The following TINAG variants were observed in gnomAD, a reference collection of about 807,000 sequenced individuals.
TINAG encodes tubulointerstitial nephritis antigen.
A neutral mutation model predicts 72.7 loss-of-function variants in TINAG; 83 were observed. The observed-to-expected ratio is 1.14, with a 90% CI of 0.96 to 1.37. TINAG has a LOEUF of 1.37. Among genes scored for constraint, TINAG ranks in the 40% most tolerant of loss-of-function variants. The pLI, the probability that TINAG is intolerant of heterozygous loss-of-function variation, is 0.00. For missense variants in TINAG, 685 were observed against 576.6 expected, an observed-to-expected ratio of 1.19 and a Z score of -1.93; for synonymous variants, 234 against 189.9, an observed-to-expected ratio of 1.23 and a Z score of -1.91.
At chr6:54,326,291 T>C (rs1362029447) in intron 3 of TINAG, among the ~76,000 whole-genome samples, 1 of 151,926 alleles carries the variant, frequency 6.6e-6, no homozygotes, top group Non-Finnish European at 1.5e-5. Context: ...AATATTTCAA[T>C]ATCTGATTAA....
chr6:54,374,663 A>C (rs534121110), intron 9 of TINAG, among the ~76,000 whole-genome samples: 14 of 152,202 alleles, frequency 9.2e-5, no homozygotes, highest in Admixed American at 9.2e-4. Flanking sequence ...CTCTATCTGT[A>C]GTCTTACCTC....
At chr6:54,334,867 C>T (rs1194660621) in intron 4 of TINAG, among the ~76,000 whole-genome samples, 2 of 152,152 alleles carry the variant, frequency 1.3e-5, no homozygotes, top group Non-Finnish European at 2.9e-5. Flanking sequence ...CTTTGATATA[C>T]TTTAGGGTCT....
chr6:54,377,341 G>A (rs368429637), intron 9 of TINAG, among the ~76,000 whole-genome samples: 4 of 151,908 alleles, frequency 2.6e-5, no homozygotes, highest in Admixed American at 2.0e-4. Context: ...GTGAAACTCC[G>A]TCTCTACTAA....
At chr6:54,355,477 T>C (rs1562170065) in intron 9 of TINAG, among the ~76,000 whole-genome samples, 1 of 151,938 alleles carries the variant, frequency 6.6e-6, no homozygotes, top group East Asian at 1.9e-4. Context: ...TTAAGTCAGT[T>C]CTAAGCTATG....
intron 1 of TINAG, among the ~76,000 whole-genome samples, chr6:54,309,406 A>C (rs1784187113): frequency 6.6e-6 from 1 of 152,186 alleles, no homozygotes; most frequent in Non-Finnish European, 1.5e-5. Context: ...AATAAGATAA[A>C]GTCAGTCACC....
chr6:54,323,489 C>T (rs1784537786), intron 3 of TINAG, among the ~76,000 whole-genome samples: 1 of 152,128 alleles, frequency 6.6e-6, no homozygotes, highest in Non-Finnish European at 1.5e-5. Context: ...AATATGCAAT[C>T]TTTGGTTTAA....
chr6:54,380,650 T>C lies in TINAG; in HGVS notation c.1296+79T>C, dbSNP rs7744458. 2.6e-3 allele frequency: 3,080 copies of C among 1,178,296 alleles called. 68 individuals are homozygous for C. The African/African-American group carries it at 0.042, about 16-fold the overall frequency. 73.0% of individuals were successfully genotyped at this position (1,178,296 alleles called of 1,614,324 possible). A position where few individuals can be genotyped will look rare whatever the true frequency, so the allele number is the denominator to read the frequency against. ...TTCTGTTCCTCTGCTACCTGCTTTG[T>C]ATTATTTAGTCACATCCTCAGCTGT... On this transcript the variant is annotated intron_variant, in intron 10 of 10. Coordinates refer to ENST00000259782, the MANE Select transcript of TINAG (RefSeq NM_014464.4).
intron 4 of TINAG, among the ~76,000 whole-genome samples, chr6:54,340,419 A>C (rs1784970161): frequency 6.6e-6 from 1 of 152,096 alleles, no homozygotes. Context: ...ATTAAAAACA[A>C]ATGTATCATT....
chr6:54,321,289 C>A lies in TINAG; in HGVS notation c.420-8C>A, dbSNP rs778057861. 2 of 1,612,256 alleles carry A rather than the reference C, an allele frequency of 1.2e-6. No individual in the cohort carries two copies. The highest frequency in any genetic ancestry group is 2.7e-5 in the African/African-American group (2 of 74,886). On this transcript the variant is annotated splice_region_variant and splice_polypyrimidine_tract_variant and intron_variant, in intron 2 of 10. Coordinates refer to ENST00000259782, the MANE Select transcript of TINAG (RefSeq NM_014464.4). The stretch of plus-strand genomic sequence containing the variant: ...CAAGCCACTTTTGTAATTGTCATAT[C>A]TTTGCAGCACATGCTCAGGACAGCA...
chr6:54,332,775 A>C (rs1025496665), intron 4 of TINAG, among the ~76,000 whole-genome samples: 5 of 152,194 alleles, frequency 3.3e-5, no homozygotes, highest in Admixed American at 2.0e-4. Context: ...TTAACAAGAA[A>C]AACAAACAAC....
At chr6:54,354,403 A>T in intron 8 of TINAG, 110 bp from the exon 9 acceptor site, 3 of 974,420 alleles carry the variant, frequency 3.1e-6, no homozygotes, top group East Asian at 2.7e-5. Context: ...GCCCCTTCTT[A>T]GATTCATCTC....
At chr6:54,361,971 G>A (rs774826400) in intron 9 of TINAG, among the ~76,000 whole-genome samples, 1 of 151,712 alleles carries the variant, frequency 6.6e-6, no homozygotes, top group Non-Finnish European at 1.5e-5. Flanking sequence ...TGACAAAGGT[G>A]AGTAAGCTGC....
chr6:54,324,445 G>A (rs556686226), intron 3 of TINAG, among the ~76,000 whole-genome samples: 2 of 152,124 alleles, frequency 1.3e-5, no homozygotes, highest in African/African-American at 2.4e-5. Context: ...CTCCCTTAAA[G>A]CTTATGCTTG....
At chr6:54,328,876 G>C (rs995755933) in intron 4 of TINAG, among the ~76,000 whole-genome samples, 1 of 151,362 alleles carries the variant, frequency 6.6e-6, no homozygotes, top group Non-Finnish European at 1.5e-5. Context: ...GGATATGAGA[G>C]ATTGAAGATC....
chr6:54,367,470 G>C (rs1763468867), intron 9 of TINAG, among the ~76,000 whole-genome samples: 1 of 151,740 alleles, frequency 6.6e-6, no homozygotes, highest in Non-Finnish European at 1.5e-5. Context: ...ACATGGACAG[G>C]TAATATTGTA....
At chr6:54,356,600 C>G (rs1763048014) in intron 9 of TINAG, among the ~76,000 whole-genome samples, 1 of 151,764 alleles carries the variant, frequency 6.6e-6, no homozygotes, top group African/African-American at 2.4e-5. Flanking sequence ...AAAAACATGT[C>G]AGGTAAGTCT....
intron 9 of TINAG, among the ~76,000 whole-genome samples, chr6:54,366,254 A>ATGTG (rs57637287): frequency 0.014 from 2,115 of 147,988 alleles, 18 homozygotes; most frequent in Non-Finnish European, 0.018. Context: ...ACGTACGTGT[A>ATGTG]TGTGTGTGTG....
intron 9 of TINAG, among the ~76,000 whole-genome samples, chr6:54,355,847 A>G (rs1763021554): frequency 1.3e-5 from 2 of 151,746 alleles, no homozygotes; most frequent in South Asian, 4.1e-4. Flanking sequence ...GAAACAAAGA[A>G]AGAAAGAAGG....
intron 10 of TINAG, among the ~76,000 whole-genome samples, chr6:54,384,983 A>G (rs1272720366): frequency 6.6e-6 from 1 of 152,186 alleles, no homozygotes; most frequent in Non-Finnish European, 1.5e-5. Context: ...TGTACAGAAT[A>G]TACCATGATG....
Sources: gnomAD v4.1 joint callset for allele counts (sites outside exome capture counted in the v4.1 genomes callset) on GRCh38, gnomAD v4.1.1 for gene constraint, MANE v1.5 for transcripts, NCBI Gene and HGNC (gene_info 2026-07-23, HGNC 2026-07-21) for gene names.